DMD: variants seen among roughly 807,000 people sequenced by gnomAD.
DMD encodes mutant dystrophin.
Under a neutral mutation model 330.1 loss-of-function variants are expected in DMD, and 63 were observed. The observed-to-expected ratio is 0.19, with a 90% CI of 0.16 to 0.24. DMD has a LOEUF of 0.24. Among genes scored for constraint, DMD ranks in the 10% least tolerant of loss-of-function variants. The probability of loss-of-function intolerance (pLI) is 1.00; values close to 1 mark genes in which losing one functional copy is unlikely to be tolerated. For missense variants in DMD, 3,344 were observed against 2,684.1 expected (o/e 1.25, Z -5.43); for synonymous variants, 1,223 against 959.8 (o/e 1.27, Z -5.07).
chrX:31,149,823 A>C (rs747511321), intron 74 of DMD, among the ~76,000 whole-genome samples: 12 of 111,834 alleles, frequency 1.1e-4, no homozygotes, highest in African/African-American at 3.6e-4. Flanking sequence ...GATTTCTTTT[A>C]ACTTAACCCA....
chrX:32,507,754 T>C (rs1320903557), intron 18 of DMD, among the ~76,000 whole-genome samples: 1 of 111,849 alleles, frequency 8.9e-6, no homozygotes, highest in African/African-American at 3.2e-5. Context: ...TTATAGTTTA[T>C]GTACATAATT....
At chrX:31,437,308 T>C (rs1256528476) in intron 60 of DMD, among the ~76,000 whole-genome samples, 2 of 111,877 alleles carry the variant, frequency 1.8e-5, no homozygotes, top group Non-Finnish European at 3.8e-5. Context: ...TGCAAAAATA[T>C]ATTTTTGCAC....
chrX:33,082,334 A>T (rs1281644409), intron 1 of DMD, among the ~76,000 whole-genome samples: 1 of 112,288 alleles, frequency 8.9e-6, no homozygotes, highest in Non-Finnish European at 1.9e-5. Flanking sequence ...GAACTTTACC[A>T]AAGGAAACCT....
intron 25 of DMD, among the ~76,000 whole-genome samples, chrX:32,459,288 T>C (rs2098374236): frequency 1.8e-5 from 2 of 110,702 alleles, no homozygotes; most frequent in South Asian, 7.6e-4. Flanking sequence ...ACTAATCAAG[T>C]TGTATAAATT....
intron 13 of DMD, among the ~76,000 whole-genome samples, chrX:32,585,592 C>T (rs1158629165): frequency 9.7e-6 from 1 of 102,662 alleles, no homozygotes; most frequent in Non-Finnish European, 2.0e-5. Context: ...CCCAGCTACT[C>T]GGGAGTCTGA....
At chrX:31,462,212 G>C (rs1407761984) in intron 59 of DMD, among the ~76,000 whole-genome samples, 2 of 112,015 alleles carry the variant, frequency 1.8e-5, no homozygotes, top group African/African-American at 6.5e-5. Context: ...CGGTGTTGTG[G>C]CTTACGCCTG....
rs752346201 is a variant in DMD at position 31,456,876 on chromosome X, G to GTGTGTGTGTGTATA, written c.8938-12250_8938-12249insTATACACACACACA. Among the ~76,000 whole-genome samples the GTGTGTGTGTGTATA allele has an allele frequency of 8.2e-3, 565 of 68,626 alleles. 6 individuals carry two copies. The highest frequency in any genetic ancestry group is 0.061 in the East Asian group (138 of 2,246). 59.6% of individuals were successfully genotyped at this position (68,626 alleles called of 115,157 possible). A position where few individuals can be genotyped will look rare whatever the true frequency, so the allele number is the denominator to read the frequency against. ...TGTGTGTGTGTGTGTGTGTGTGTGT[G>GTGTGTGTGTGTATA]TATATATATATATATTATATACCTA... is the stretch of plus-strand genomic sequence containing the variant. On this transcript the variant is annotated intron_variant, in intron 59 of 78. Transcript: ENST00000357033.
At chrX:32,337,789 ATCAG>A (rs1202922743) in intron 41 of DMD, among the ~76,000 whole-genome samples, 7 of 111,075 alleles carry the variant, frequency 6.3e-5, no homozygotes, top group Admixed American at 1.9e-4. Context: ...TTTACACAGG[ATCAG>A]TCAAACACTG....
At chrX:31,574,130 GTTTGTTTTTTTT>G (rs1257110291) in intron 55 of DMD, among the ~76,000 whole-genome samples, 7 of 95,864 alleles carry the variant, frequency 7.3e-5, no homozygotes, top group East Asian at 7.1e-4. Context: ...AGGATGATCT[GTTTGTTTTTTTT>G]TTTGTTTTTT....
chrX:32,561,614 A>G (rs1348993768), intron 16 of DMD, among the ~76,000 whole-genome samples: 1 of 111,692 alleles, frequency 9.0e-6, no homozygotes, highest in Non-Finnish European at 1.9e-5. Context: ...AACTTCTCCA[A>G]TCTAGAAAGC....
At chrX:31,876,083 T>A (rs191076357) in intron 47 of DMD, among the ~76,000 whole-genome samples, 1 of 111,944 alleles carries the variant, frequency 8.9e-6, no homozygotes, top group African/African-American at 3.2e-5. Flanking sequence ...TGGATTAGAG[T>A]AGACTGTAAC....
intron 1 of DMD, among the ~76,000 whole-genome samples, chrX:33,302,156 C>T (rs2053674750): frequency 9.0e-6 from 1 of 111,139 alleles, no homozygotes; most frequent in Non-Finnish European, 1.9e-5. Context: ...GTTTATCTGA[C>T]CCTTATTTTT....
intron 69 of DMD, among the ~76,000 whole-genome samples, chrX:31,179,667 C>T (rs2040948895): frequency 9.0e-6 from 1 of 111,549 alleles, no homozygotes; most frequent in South Asian, 3.8e-4. Flanking sequence ...GTACTCAGGT[C>T]TGTCTGGCCA....
rs1230178084 is a variant in DMD, at chrX:32,970,558, C to T, written c.93+49581G>A. Among the ~76,000 whole-genome samples, 3 of 92,964 alleles carry T rather than the reference C, an allele frequency of 3.2e-5. 1 individual carries two copies. The highest frequency in any genetic ancestry group is 6.1e-5 in the Non-Finnish European group (3 of 49,108). 80.7% of individuals were successfully genotyped at this position (92,964 alleles called of 115,157 possible). ...CTGAGGCAGGAGAATCGCTTGAACC[C>T]GGGAGGCGGAGGTTGCAGTGAGCCA... On this transcript the variant is annotated intron_variant, in intron 2 of 78. Coordinates refer to ENST00000357033, the MANE Select transcript of DMD (RefSeq NM_004006.3).
chrX:31,887,517 A>G (rs1398971589), intron 47 of DMD, among the ~76,000 whole-genome samples: 3 of 112,058 alleles, frequency 2.7e-5, no homozygotes, highest in African/African-American at 9.7e-5. Flanking sequence ...TGCCATTAAA[A>G]TGTCTTCTTT....
chrX:32,981,442 TTATTTGTCTCTAAA>T (rs1400551614), intron 2 of DMD, among the ~76,000 whole-genome samples: 1 of 111,682 alleles, frequency 9.0e-6, no homozygotes, highest in African/African-American at 3.3e-5. Context: ...ACTAGTATGT[TTATTTGTCTCTAAA>T]TAAGGTTTAG....
At chrX:33,131,441 T>G (rs778043110) in intron 1 of DMD, among the ~76,000 whole-genome samples, 7 of 111,944 alleles carry the variant, frequency 6.3e-5, no homozygotes, top group Admixed American at 1.9e-4. Context: ...TAGGTGCTCA[T>G]CAGAATCAAC....
At chrX:33,110,005 G>A (rs2095327459) in intron 1 of DMD, among the ~76,000 whole-genome samples, 1 of 110,848 alleles carries the variant, frequency 9.0e-6, no homozygotes, top group African/African-American at 3.3e-5. Flanking sequence ...CATTGCCACA[G>A]TACACTGCTC....
At chrX:32,511,342 G>A (rs1329283094) in intron 18 of DMD, among the ~76,000 whole-genome samples, 5 of 108,582 alleles carry the variant, frequency 4.6e-5, no homozygotes, top group Non-Finnish European at 9.5e-5. Context: ...GCCAACAGTT[G>A]AAACCCCGTC....
Sources: gnomAD v4.1 joint callset for allele counts (sites outside exome capture counted in the v4.1 genomes callset) on GRCh38, gnomAD v4.1.1 for gene constraint, MANE v1.5 for transcripts, NCBI Gene and HGNC (gene_info 2026-07-23, HGNC 2026-07-21) for gene names.